Variants in CEP250 observed in about 807,000 individuals in gnomAD.
The protein encoded by CEP250 is centrosome-associated protein CEP250.
CEP250 carries 242 observed loss-of-function variants against 315.7 expected under a neutral mutation model. The observed-to-expected ratio is 0.77, with a 90% CI of 0.69 to 0.85. CEP250 has a LOEUF of 0.85. Ranked by LOEUF, CEP250 falls within the 40% of genes least tolerant of loss-of-function variation. The probability of loss-of-function intolerance (pLI) is 0.00; values close to 1 mark genes in which losing one functional copy is unlikely to be tolerated. For synonymous variants in CEP250, 1,088 were observed against 1,175.0 expected (o/e 0.93, Z 1.51); for missense variants, 2,515 against 2,886.4 (o/e 0.87, Z 2.95).
chr20:35,469,142 T>G (rs2062963786), intron 9 of CEP250, among the ~76,000 whole-genome samples: 1 of 152,094 alleles, frequency 6.6e-6, no homozygotes, highest in Non-Finnish European at 1.5e-5. Flanking sequence ...AGACCTTGTC[T>G]CTACTAAAAG....
In CEP250 at chr20:35,505,016, C is replaced by T. The variant is rs1401879012; in HGVS notation, c.6636+11C>T. ...CAGCAAAGGCTGCAGGTAAGTCACT[C>T]CATGGGGAGTAAGGGCCAGGGGACA... is the stretch of plus-strand genomic sequence containing the variant. On this transcript the variant is annotated intron_variant, in intron 30 of 34. Coordinates refer to ENST00000397527, the MANE Select transcript of CEP250 (RefSeq NM_007186.6). The T allele has an allele frequency of 6.3e-7, 1 of 1,587,022 alleles. No individual in the cohort carries two copies. Among genetic ancestry groups the T allele is most frequent in the Non-Finnish European group, 8.6e-7 (1 of 1,164,108 alleles).
At position 35,490,663 on chromosome 20, in the gene CEP250, G is replaced by T. The variant is rs766597173; in HGVS notation, c.2613G>T (p.Gln871His). The change falls in exon 21 of 35, where the codon CAG (glutamine) becomes CAT (histidine). Residue 871 changes from glutamine to histidine, a missense_variant. Transcript: ENST00000397527. Reference sequence around the variant, plus strand: ...AGAAGGAGCGCTCCTGGCACCAGCAGGAGCTGGCAAAGGCTCTGGAGAGCT... The same window carrying T: ...AGAAGGAGCGCTCCTGGCACCAGCATGAGCTGGCAAAGGCTCTGGAGAGCT... The part of the protein sequence containing the change: ...KWEKERSWHQ[Q>H]ELAKALESLE... 1 of 1,613,776 alleles carries T rather than the reference G, an allele frequency of 6.2e-7. No individual in the cohort carries two copies. The highest frequency in any genetic ancestry group is 1.7e-5 in the Admixed American group (1 of 59,996).
chr20:35,494,722 A>C, intron 24 of CEP250, 65 bp downstream of exon 24: 1 of 1,588,600 alleles, frequency 6.3e-7, no homozygotes, highest in Non-Finnish European at 8.6e-7. Flanking sequence ...TGTGATATTG[A>C]CAGTTGTTTG....
rs758689716 is a variant in CEP250 at position 35,479,387 on chromosome 20, G to T, written c.2251G>T (p.Asp751Tyr). 6.2e-7 allele frequency: 1 copy of T among 1,614,114 alleles called. No individual in the cohort carries two copies. The highest frequency in any genetic ancestry group is 8.5e-7 in the Non-Finnish European group (1 of 1,180,004). The change falls in exon 18 of 35, where the codon GAC becomes TAC. Residue 751 changes from aspartate to tyrosine, a missense_variant. Coordinates refer to ENST00000397527, the MANE Select transcript of CEP250 (RefSeq NM_007186.6). ...LEVRLQAVER[D>Y]RQDLAEQLQG... ...GGTGCGGCTGCAGGCCGTGGAGCGTGACCGGCAGGACCTCGCTGAACAACT... is the reference window on the plus strand; with the variant it reads ...GGTGCGGCTGCAGGCCGTGGAGCGTTACCGGCAGGACCTCGCTGAACAACT...
At chr20:35,462,689 A>G in intron 4 of CEP250, 136 bp downstream of exon 4, 3 of 657,164 alleles carry the variant, frequency 4.6e-6, no homozygotes, top group Non-Finnish European at 5.1e-6. Flanking sequence ...TAAGACCCAG[A>G]CCTTCTAGCT....
rs1340471097 is a variant in CEP250, at chr20:35,502,654, A to G, written c.4285A>G (p.Thr1429Ala). Residue 1429 changes from threonine to alanine, a missense_variant, in exon 30 of 35, where the codon ACC (threonine) becomes GCC (alanine). Physicochemically the swap from Thr to Ala is moderately conservative, Grantham distance 58. Transcript: ENST00000397527. ...LQENLALLTQTLAEREEEVET... is the reference protein window; with the variant it reads ...LQENLALLTQALAEREEEVET... ...AGAGAATTTGGCCCTCCTGACCCAG[A>G]CCCTAGCTGAAAGAGAAGAGGAGGT... 6.2e-7 allele frequency: 1 copy of G among 1,614,224 alleles called. No individual in the cohort carries two copies. The highest frequency in any genetic ancestry group is 1.1e-5 in the South Asian group (1 of 91,084).
In CEP250 at chr20:35,482,539, A is replaced by G. The variant is rs147723019; in HGVS notation, c.2586+2394A>G. On this transcript the variant is annotated intron_variant, in intron 20 of 34. Transcript: ENST00000397527. ...CAGGCGTGAGCCACCGTGCCCGGCTATTTATTTTTTTATATTTTTTTTTAT... is the reference window on the plus strand; with the variant it reads ...CAGGCGTGAGCCACCGTGCCCGGCTGTTTATTTTTTTATATTTTTTTTTAT... 3.7e-3 allele frequency among the ~76,000 whole-genome samples: 551 copies of G among 147,068 alleles called. 9 individuals are homozygous for G. Among genetic ancestry groups the G allele is most frequent in the African/African-American group, 0.014 (536 of 39,698 alleles).
rs1485293228 is a variant in CEP250, at chr20:35,519,244, T to C, written c.*7618T>C. On this transcript the variant is annotated 3_prime_UTR_variant, in exon 35 of 35. Transcript: ENST00000397527. ...GATAACTTTTAAATGGTAAATTTTG[T>C]GTATTATTTTGTCACAATAAAAAGT... 2 of 152,064 alleles carry C rather than the reference T, an allele frequency of 1.3e-5. No homozygotes were observed. Among genetic ancestry groups the C allele is most frequent in the Non-Finnish European group, 2.9e-5 (2 of 68,024 alleles). 9.4% of individuals were successfully genotyped at this position (152,064 alleles called of 1,614,324 possible). A position where few individuals can be genotyped will look rare whatever the true frequency, so the allele number is the denominator to read the frequency against.
At position 35,477,008 on chromosome 20, in the gene CEP250, C is replaced by G. The variant is rs191288642; in HGVS notation, c.1863+413C>G. ...GGATTACAGGCATGTGTCACCACAC[C>G]TGGCTAATTTTTTTTTTTTGAGATG... On this transcript the variant is annotated intron_variant, in intron 16 of 34. Coordinates refer to ENST00000397527, the MANE Select transcript of CEP250 (RefSeq NM_007186.6). Among the ~76,000 whole-genome samples, 258 of 151,828 alleles carry G rather than the reference C, an allele frequency of 1.7e-3. 3 individuals carry two copies. Among genetic ancestry groups the G allele is most frequent in the Middle Eastern group, 0.01 (3 of 294 alleles).
At position 35,472,031 on chromosome 20, in the gene CEP250, T is replaced by G; in HGVS notation, c.949-19T>G. 4.1e-6 allele frequency: 6 copies of G among 1,450,632 alleles called. No individual in the cohort carries two copies. The highest frequency in any genetic ancestry group is 5.8e-6 in the Non-Finnish European group (6 of 1,032,208). 89.9% of individuals were successfully genotyped at this position (1,450,632 alleles called of 1,614,324 possible). A position where few individuals can be genotyped will look rare whatever the true frequency, so the allele number is the denominator to read the frequency against. On this transcript the variant is annotated intron_variant, in intron 10 of 34. Transcript: ENST00000397527. ...TTTTGAGAGTTTGGCTCTGAGGCTC[T>G]GTTCTATTCCCTGTTCAGGAGACAA...
rs1356639531 is a variant in CEP250, at chr20:35,473,415, C to T, written c.1251C>T (p.Asn417=). The change falls in exon 13 of 35, where the codon AAC becomes AAT. Residue 417 remains asparagine, a synonymous_variant. Coordinates refer to ENST00000397527, the MANE Select transcript of CEP250 (RefSeq NM_007186.6). ...TTGCAGGCTGTCAAGAGGCTGTGAA[C>T]TTGTTGCAACAGCAGCATGATCAGT... The part of the protein sequence containing the change: ...QQLAGCQEAV[N]LLQQQHDQWE... 1 of 1,614,074 alleles carries T rather than the reference C, an allele frequency of 6.2e-7. No individual in the cohort carries two copies. The highest frequency in any genetic ancestry group is 8.5e-7 in the Non-Finnish European group (1 of 1,179,968).
intron 13 of CEP250, 124 bp downstream of exon 13, chr20:35,473,676 C>T: frequency 1.8e-6 from 2 of 1,115,990 alleles, no homozygotes; most frequent in South Asian, 3.3e-5. Context: ...AGACTCAGGG[C>T]TGTTTTGCCC....
chr20:35,499,576 G>GA (rs1196766543), intron 27 of CEP250, among the ~76,000 whole-genome samples: 1 of 152,246 alleles, frequency 6.6e-6, no homozygotes, highest in African/African-American at 2.4e-5. Flanking sequence ...GAAGGCTTGT[G>GA]ACATGGTGGA....
chr20:35,467,172 GGGTGGGGGAGTT>G, intron 8 of CEP250, 100 bp downstream of exon 8: 1 of 995,132 alleles, frequency 1.0e-6, no homozygotes, highest in Non-Finnish European at 1.5e-6. Flanking sequence ...GGGGTGGGGT[GGGTGGGGGAGTT>G]GGTAGTATTG....
Position 35,502,513 on chromosome 20 carries a change from A to C in CEP250, c.4144A>C (p.Arg1382=), listed in dbSNP as rs151254784. The C allele has an allele frequency of 1.5e-5, 25 of 1,614,094 alleles. No individual in the cohort carries two copies. In the African/African-American group the frequency reaches 3.3e-4, roughly 22 times the overall value. ...SAAGILEEDL[R]TARSALKLKN... is the part of the protein sequence containing the mutation. ...TGCTGGCATCCTGGAAGAAGACCTG[A>C]GAACGGCTCGCTCAGCACTGAAGCT... The change falls in exon 30 of 35, where the codon AGA becomes CGA. Residue 1382 remains arginine, a synonymous_variant. Transcript: ENST00000397527.
chr20:35,489,908 G>A (rs763122757), intron 20 of CEP250, among the ~76,000 whole-genome samples: 1 of 152,160 alleles, frequency 6.6e-6, no homozygotes, highest in Non-Finnish European at 1.5e-5. Context: ...GCTGTGTGTG[G>A]TGTCATGCCC....
chr20:35,456,927 G>GC (rs2062642945), intron 1 of CEP250, among the ~76,000 whole-genome samples: 1 of 151,878 alleles, frequency 6.6e-6, no homozygotes, highest in South Asian at 2.1e-4. Flanking sequence ...GATTACAGGC[G>GC]CCCGCCACCG....
At chr20:35,474,364 G>C (rs555369495) in intron 14 of CEP250, among the ~76,000 whole-genome samples, 1 of 152,336 alleles carries the variant, frequency 6.6e-6, no homozygotes, top group Admixed American at 6.5e-5. Context: ...GATGAAGTAT[G>C]AGTTAAATAG....
intron 12 of CEP250, 133 bp downstream of exon 12, chr20:35,472,964 A>G (rs985401760): frequency 4.8e-6 from 4 of 830,852 alleles, no homozygotes; most frequent in Non-Finnish European, 7.5e-6. Context: ...TCAATATCCC[A>G]GAGTAAATCT....
Sources: allele counts gnomAD v4.1 joint callset (sites outside exome capture counted in the v4.1 genomes callset), GRCh38; gene constraint gnomAD v4.1.1; transcripts MANE v1.5; gene names NCBI Gene and HGNC (gene_info 2026-07-23, HGNC 2026-07-21).